The following SYK variants were observed in gnomAD, a reference collection of about 807,000 sequenced individuals.
SYK encodes tyrosine-protein kinase SYK.
In SYK, 16 loss-of-function variants were observed where a neutral mutation model predicts 77.8. That is an observed-to-expected ratio of 0.21 (90% confidence interval 0.14 to 0.31). The LOEUF is 0.31. Ranked by LOEUF, SYK falls within the 10% of genes least tolerant of loss-of-function variation. The pLI is 1.00. For synonymous variants in SYK, 312 were observed against 308.7 expected, an observed-to-expected ratio of 1.01 and a Z score of -0.11; for missense variants, 529 against 814.4, an observed-to-expected ratio of 0.65 and a Z score of 4.26.
At chr9:90,837,740 G>A (rs1242320256) in intron 1 of SYK, among the ~76,000 whole-genome samples, 2 of 152,164 alleles carry the variant, frequency 1.3e-5, no homozygotes, top group African/African-American at 4.8e-5. Context: ...CTTCCACGAG[G>A]GCAGCCTCAG....
rs1246484012 is a variant in SYK, at chr9:90,828,229, ACCCCCGCCCCCC to A, written c.-41-15618_-41-15607del. Among the ~76,000 whole-genome samples the A allele has an allele frequency of 1.3e-3, 34 of 25,598 alleles. 1 individual carries two copies. In the South Asian group the frequency reaches 0.02, roughly 15 times the overall value. The allele number at this position is 25,598 out of a possible 152,430, so 16.8% of individuals were successfully genotyped here. A position where few individuals can be genotyped will look rare whatever the true frequency, so the allele number is the denominator to read the frequency against. On this transcript the variant is annotated intron_variant, in intron 1 of 13. Coordinates refer to ENST00000375754, the MANE Select transcript of SYK (RefSeq NM_003177.7). ...TGTCATTGCAGTCTGCTGTGGCCTC[ACCCCCGCCCCCC>A]CCCCCGCCCCGCCCAGGCCTTCACA...
chr9:90,867,744 C>A (rs772108540), intron 7 of SYK, among the ~76,000 whole-genome samples: 2 of 152,106 alleles, frequency 1.3e-5, no homozygotes, highest in Non-Finnish European at 2.9e-5. Flanking sequence ...CTAGAAAAAC[C>A]AGTTTTCTTT....
rs10993740 is a variant in SYK, at chr9:90,873,085, G to C, written c.916-1119G>C. On this transcript the variant is annotated intron_variant, in intron 7 of 13. Coordinates refer to ENST00000375754, the MANE Select transcript of SYK (RefSeq NM_003177.7). ...GACCGTGTGAAAGAAGAAGGTCCGG[G>C]TGTTTGGAAACAATGGCTGAGTGGC... Among the ~76,000 whole-genome samples, 3,102 of 152,336 alleles carry C rather than the reference G, an allele frequency of 0.02. 185 individuals are homozygous for C. The East Asian group carries it at 0.22, about 11-fold the overall frequency.
At chr9:90,843,235 G>C (rs1826443625) in intron 1 of SYK, among the ~76,000 whole-genome samples, 1 of 152,178 alleles carries the variant, frequency 6.6e-6, no homozygotes. Context: ...CATAGCCCCG[G>C]GCTGGAGGTG....
At chr9:90,807,106 A>G (rs1392643249) in intron 1 of SYK, among the ~76,000 whole-genome samples, 1 of 152,252 alleles carries the variant, frequency 6.6e-6, no homozygotes, top group Non-Finnish European at 1.5e-5. Context: ...GCCTTTGTGC[A>G]GGTAACATGC....
intron 1 of SYK, among the ~76,000 whole-genome samples, chr9:90,838,350 T>G (rs923071340): frequency 6.6e-6 from 1 of 152,108 alleles, no homozygotes; most frequent in Non-Finnish European, 1.5e-5. Context: ...CAACAGTGAA[T>G]CATGATTTAA....
intron 3 of SYK, among the ~76,000 whole-genome samples, chr9:90,861,704 T>C (rs932828209): frequency 6.6e-6 from 1 of 152,156 alleles, no homozygotes; most frequent in Non-Finnish European, 1.5e-5. Flanking sequence ...GTCCAGAAGA[T>C]GGCTGGTTAA....
chr9:90,849,922 C>A (rs1245586271), intron 3 of SYK, among the ~76,000 whole-genome samples: 1 of 152,266 alleles, frequency 6.6e-6, no homozygotes, highest in Non-Finnish European at 1.5e-5. Flanking sequence ...CAGCTTCACC[C>A]CACTCCTGCA....
chr9:90,832,268 A>G (rs1825925103), intron 1 of SYK, among the ~76,000 whole-genome samples: 1 of 152,252 alleles, frequency 6.6e-6, no homozygotes, highest in African/African-American at 2.4e-5. Context: ...AGAGAACAGA[A>G]CCAGAAGTAT....
At chr9:90,817,153 ATTC>A (rs1825319349) in intron 1 of SYK, among the ~76,000 whole-genome samples, 1 of 152,152 alleles carries the variant, frequency 6.6e-6, no homozygotes, top group Admixed American at 6.5e-5. Flanking sequence ...GCTCAAGACA[ATTC>A]TTCTTCTTCC....
At chr9:90,847,128 A>G (rs553660826) in intron 3 of SYK, among the ~76,000 whole-genome samples, 9 of 152,320 alleles carry the variant, frequency 5.9e-5, no homozygotes, top group Admixed American at 2.0e-4. Flanking sequence ...GGAGATGTAT[A>G]TAAACCCCAT....
At chr9:90,854,245 G>A (rs1447047689) in intron 3 of SYK, among the ~76,000 whole-genome samples, 1 of 152,216 alleles carries the variant, frequency 6.6e-6, no homozygotes, top group Admixed American at 6.5e-5. Context: ...CAGCTGCCCC[G>A]AGTGTGCAGC....
intron 1 of SYK, among the ~76,000 whole-genome samples, chr9:90,814,848 A>G (rs12552742): frequency 0.33 from 21,245 of 64,044 alleles, 1,710 homozygotes; most frequent in Middle Eastern, 0.51. Flanking sequence ...ACACACACAC[A>G]CACACACACA....
At chr9:90,856,551 A>AC (rs1564098409) in intron 3 of SYK, among the ~76,000 whole-genome samples, 1 of 151,280 alleles carries the variant, frequency 6.6e-6, no homozygotes, top group African/African-American at 2.4e-5. Flanking sequence ...TCATTCACTG[A>AC]TTTTTTTTAA....
intron 1 of SYK, among the ~76,000 whole-genome samples, chr9:90,825,203 A>G (rs1825632563): frequency 2.0e-5 from 3 of 152,230 alleles, no homozygotes; most frequent in Admixed American, 2.0e-4. Context: ...CTACAAAATA[A>G]TGATGGAAGA....
At position 90,897,468 on chromosome 9, in the gene SYK, T is replaced by C. The variant is rs201177408; in HGVS notation, c.*1868T>C. 4 of 232,162 alleles carry C rather than the reference T, an allele frequency of 1.7e-5. No homozygotes were observed. The highest frequency in any genetic ancestry group is 3.4e-5 in the Non-Finnish European group (4 of 117,490). 14.4% of individuals were successfully genotyped at this position (232,162 alleles called of 1,614,324 possible). On this transcript the variant is annotated 3_prime_UTR_variant, in exon 14 of 14. Transcript: ENST00000375754. The stretch of plus-strand genomic sequence containing the variant: ...AAAGGAGTGGTTGGATGTGCCAAGT[T>C]TGGTAAAGTGGTGACTGCATCTGAG...
At chr9:90,809,606 C>A (rs1210522208) in intron 1 of SYK, among the ~76,000 whole-genome samples, 1 of 152,208 alleles carries the variant, frequency 6.6e-6, no homozygotes, top group East Asian at 1.9e-4. Flanking sequence ...AGAAGTTAAG[C>A]ATATACAATA....
intron 11 of SYK, among the ~76,000 whole-genome samples, chr9:90,881,421 T>C (rs969694886): frequency 1.4e-4 from 22 of 152,138 alleles, no homozygotes; most frequent in South Asian, 4.1e-4. Context: ...GGCTCACGCC[T>C]GTAATCCCAG....
chr9:90,819,660 A>C (rs1564071890), intron 1 of SYK, among the ~76,000 whole-genome samples: 1 of 152,078 alleles, frequency 6.6e-6, no homozygotes, highest in Non-Finnish European at 1.5e-5. Context: ...CCCTCCCATA[A>C]CATGTGGGAA....
Sources: gnomAD v4.1 joint callset for allele counts (sites outside exome capture counted in the v4.1 genomes callset) on GRCh38, gnomAD v4.1.1 for gene constraint, MANE v1.5 for transcripts, NCBI Gene and HGNC (gene_info 2026-07-23, HGNC 2026-07-21) for gene names.